Variants in ZNF445 observed in about 807,000 individuals in gnomAD.
ZNF445 encodes the protein zinc finger protein 445.
In ZNF445, 19 loss-of-function variants were observed where a neutral mutation model predicts 93.9. The observed-to-expected ratio is 0.20, with a 90% confidence interval of 0.14 to 0.30. ZNF445 has a LOEUF of 0.30. Ranked by LOEUF, ZNF445 falls within the 10% of genes least tolerant of loss-of-function variation. The pLI, the probability that ZNF445 is intolerant of heterozygous loss-of-function variation, is 1.00. For synonymous variants in ZNF445, 449 were observed against 446.3 expected (o/e 1.01, Z -0.08); for missense variants, 1,058 against 1,259.4 (o/e 0.84, Z 2.42).
At chr3:44,470,044 C>G (rs1698245241) in intron 1 of ZNF445, among the ~76,000 whole-genome samples, 2 of 152,110 alleles carry the variant, frequency 1.3e-5, no homozygotes, top group Admixed American at 1.3e-4. Flanking sequence ...CCTCCCACCT[C>G]AACCTCCTGA....
rs113816287 is a variant in ZNF445, at chr3:44,450,711, G to A, written c.694-138C>T. The A allele has an allele frequency of 3.6e-3, 4,830 of 1,335,292 alleles. 127 individuals are homozygous for A. The African/African-American group carries it at 0.055, about 15-fold the overall frequency. 82.7% of individuals were successfully genotyped at this position (1,335,292 alleles called of 1,614,324 possible). A position where few individuals can be genotyped will look rare whatever the true frequency, so the allele number is the denominator to read the frequency against. ...TGAAAGGGAAGACCATCACCCAGCA[G>A]AAGACCTCTGGGCTTGAGGGGGATA... On this transcript the variant is annotated intron_variant, in intron 5 of 7. Coordinates refer to ENST00000396077, the MANE Select transcript of ZNF445 (RefSeq NM_181489.6).
chr3:44,463,908 C>T (rs1332441782), intron 1 of ZNF445, among the ~76,000 whole-genome samples: 1 of 152,002 alleles, frequency 6.6e-6, no homozygotes, highest in African/African-American at 2.4e-5. Context: ...TGGGCGATCA[C>T]TTGAGGTCAG....
At chr3:44,470,330 C>T (rs987922540) in intron 1 of ZNF445, among the ~76,000 whole-genome samples, 13 of 152,092 alleles carry the variant, frequency 8.5e-5, no homozygotes, top group African/African-American at 2.4e-4. Context: ...ATCCTAAATA[C>T]GAATTGTGAA....
At chr3:44,464,144 C>A (rs575212957) in intron 1 of ZNF445, among the ~76,000 whole-genome samples, 33 of 151,802 alleles carry the variant, frequency 2.2e-4, no homozygotes, top group South Asian at 8.3e-4. Flanking sequence ...AACAAACAAA[C>A]AAAAAAAACA....
intron 1 of ZNF445, among the ~76,000 whole-genome samples, chr3:44,471,944 G>GAAGCAGTGA (rs1442046061): frequency 3.3e-5 from 5 of 152,146 alleles, no homozygotes; most frequent in African/African-American, 4.8e-5. Flanking sequence ...AGAAGCAGTG[G>GAAGCAGTGA]GAGCTTCAGG....
intron 3 of ZNF445, 132 bp from the exon 4 acceptor site, chr3:44,451,614 G>A: frequency 2.0e-6 from 2 of 1,012,210 alleles, no homozygotes; most frequent in Non-Finnish European, 2.9e-6. Context: ...ATTACTTCCA[G>A]GCAGGAGGAA....
rs761520957 is a variant in ZNF445, at chr3:44,448,114, C to T, written c.1557G>A (p.Gly519=). Residue 519 remains glycine (G), a synonymous_variant, in exon 8 of 8, where the codon GGG becomes GGA. Coordinates refer to ENST00000396077, the MANE Select transcript of ZNF445 (RefSeq NM_181489.6). The part of the protein sequence containing the change: ...QEKAFKCRVC[G]KAFRWSSNCA... ...AGTTGGAACTCCACCGGAAGGCTTT[C>T]CCACACACCCTACATTTAAATGCTT... The T allele has an allele frequency of 1.2e-6, 2 of 1,613,952 alleles. No individual in the cohort carries two copies.
Position 44,431,817 on chromosome 3 carries a change from G to A in ZNF445, c.*14758C>T, listed in dbSNP as rs1697555849. 6.6e-6 allele frequency: 1 copy of A among 152,176 alleles called. No individual in the cohort carries two copies. The highest frequency in any genetic ancestry group is 2.4e-5 in the African/African-American group (1 of 41,454). 9.4% of individuals were successfully genotyped at this position (152,176 alleles called of 1,614,324 possible). ...GATGTCTATAACAGTGGTAAATACTGTGTAAAGGTTGTCGGCTACTTCTGA... is the reference window on the plus strand; with the variant it reads ...GATGTCTATAACAGTGGTAAATACTATGTAAAGGTTGTCGGCTACTTCTGA... On this transcript the variant is annotated 3_prime_UTR_variant, in exon 8 of 8. Coordinates refer to ENST00000396077, the MANE Select transcript of ZNF445 (RefSeq NM_181489.6).
intron 1 of ZNF445, among the ~76,000 whole-genome samples, chr3:44,464,147 A>G (rs1465584557): frequency 1.3e-5 from 2 of 151,300 alleles, no homozygotes; most frequent in African/African-American, 4.9e-5. Context: ...AAACAAACAA[A>G]AAAAACAGCA....
intron 3 of ZNF445, among the ~76,000 whole-genome samples, chr3:44,452,049 T>C (rs141257478): frequency 7.2e-5 from 11 of 152,174 alleles, no homozygotes; most frequent in Admixed American, 1.3e-4. Context: ...CATGGAACCA[T>C]AGAAGAAAGT....
intron 1 of ZNF445, among the ~76,000 whole-genome samples, chr3:44,469,451 G>C (rs1012699004): frequency 3.9e-5 from 6 of 152,150 alleles, no homozygotes; most frequent in Non-Finnish European, 8.8e-5. Context: ...ATGCATGACG[G>C]CTGCTGATTC....
chr3:44,434,880 A>G lies in ZNF445; in HGVS notation c.*11695T>C, dbSNP rs1697644919. 1 of 152,190 alleles carries G rather than the reference A, an allele frequency of 6.6e-6. No homozygotes were observed. The highest frequency in any genetic ancestry group is 1.5e-5 in the Non-Finnish European group (1 of 68,048). The allele number at this position is 152,190 out of a possible 1,614,324, so 9.4% of individuals were successfully genotyped here. A position where few individuals can be genotyped will look rare whatever the true frequency, so the allele number is the denominator to read the frequency against. On this transcript the variant is annotated 3_prime_UTR_variant, in exon 8 of 8. Transcript: ENST00000396077. The stretch of plus-strand genomic sequence containing the variant: ...CTGAAGGCCACGATAGCTGAAGGCT[A>G]TGCTATTGAACACTGTAACTCAACT...
rs1333031702 is a variant in ZNF445 at position 44,442,116 on chromosome 3, C to T, written c.*4459G>A. 2.0e-5 allele frequency: 3 copies of T among 152,166 alleles called. No individual in the cohort carries two copies. Among genetic ancestry groups the T allele is most frequent in the Non-Finnish European group, 4.4e-5 (3 of 68,048 alleles). The allele number at this position is 152,166 out of a possible 1,614,324, so 9.4% of individuals were successfully genotyped here. A position where few individuals can be genotyped will look rare whatever the true frequency, so the allele number is the denominator to read the frequency against. On this transcript the variant is annotated 3_prime_UTR_variant, in exon 8 of 8. Transcript: ENST00000396077. ...GGTACACAGTATGCTTAACTTTACA[C>T]TAAGGGTACCTTGTATGTAGCTTCA...
chr3:44,434,827 G>C lies in ZNF445; in HGVS notation c.*11748C>G, dbSNP rs1697643360. The C allele has an allele frequency of 6.6e-6, 1 of 152,154 alleles. No homozygotes were observed. Among genetic ancestry groups the C allele is most frequent in the Non-Finnish European group, 1.5e-5 (1 of 68,064 alleles). The allele number at this position is 152,154 out of a possible 1,614,324, so 9.4% of individuals were successfully genotyped here. On this transcript the variant is annotated 3_prime_UTR_variant, in exon 8 of 8. Coordinates refer to ENST00000396077, the MANE Select transcript of ZNF445 (RefSeq NM_181489.6). ...CTGCCCCGCTTGCTTTTGGTTGCTT[G>C]CTCTTTGTTATTTTTTCCCCCATGA...
chr3:44,468,252 G>C (rs531317273), intron 1 of ZNF445, among the ~76,000 whole-genome samples: 1 of 152,126 alleles, frequency 6.6e-6, no homozygotes, highest in Non-Finnish European at 1.5e-5. Flanking sequence ...AATCCAAAGG[G>C]AGGGACTGAA....
Position 44,447,577 on chromosome 3 carries a change from G to A in ZNF445, c.2094C>T (p.Asp698=). 6.2e-7 allele frequency: 1 copy of A among 1,614,138 alleles called. No individual in the cohort carries two copies. The highest frequency in any genetic ancestry group is 8.5e-7 in the Non-Finnish European group (1 of 1,180,010). The stretch of plus-strand genomic sequence containing the variant: ...TCTCACCTGTGTGAATTCTCTGGTG[G>A]TCAACGAGAGTTTTCTTTCTAGTAA... ...KTFTRKKTLV[D]HQRIHTGEKP... is the part of the protein sequence containing the mutation. Residue 698 remains aspartate, a synonymous_variant, in exon 8 of 8, where the codon GAC becomes GAT. Transcript: ENST00000396077. The surrounding 1 kb of genome is among the most constrained non-coding windows in gnomAD (Gnocchi z 4.7).
In ZNF445 at chr3:44,436,854, G is replaced by C. The variant is rs913348788; in HGVS notation, c.*9721C>G. The C allele has an allele frequency of 1.3e-5, 2 of 152,098 alleles. No homozygotes were observed. Among genetic ancestry groups the C allele is most frequent in the African/African-American group, 4.8e-5 (2 of 41,396 alleles). The allele number at this position is 152,098 out of a possible 1,614,324, so 9.4% of individuals were successfully genotyped here. On this transcript the variant is annotated 3_prime_UTR_variant, in exon 8 of 8. Transcript: ENST00000396077. ...AATCTCTGCTTAATTATCCCATATCGAATAATTCAGCTTGATCTGACTTTA... is the reference window on the plus strand; with the variant it reads ...AATCTCTGCTTAATTATCCCATATCCAATAATTCAGCTTGATCTGACTTTA...
In ZNF445 at chr3:44,437,843, T is replaced by C. The variant is rs1697717530; in HGVS notation, c.*8732A>G. The C allele has an allele frequency of 6.6e-6, 1 of 152,012 alleles. No homozygotes were observed. Among genetic ancestry groups the C allele is most frequent in the Admixed American group, 6.6e-5 (1 of 15,258 alleles). The allele number at this position is 152,012 out of a possible 1,614,324, so 9.4% of individuals were successfully genotyped here. Reference sequence around the variant, plus strand: ...AGCCGTTGGGTCAACGTTTCTGCACTATAGTCCCTTCTGTGGTCACCAGAA... The same window carrying C: ...AGCCGTTGGGTCAACGTTTCTGCACCATAGTCCCTTCTGTGGTCACCAGAA... On this transcript the variant is annotated 3_prime_UTR_variant, in exon 8 of 8. Transcript: ENST00000396077.
At chr3:44,460,314 A>G (rs1205017946) in intron 1 of ZNF445, among the ~76,000 whole-genome samples, 1 of 152,220 alleles carries the variant, frequency 6.6e-6, no homozygotes, top group Non-Finnish European at 1.5e-5. Context: ...AGAAACTAAT[A>G]GTTTAAACAT....
Sources: gnomAD v4.1 joint callset for allele counts (sites outside exome capture counted in the v4.1 genomes callset) on GRCh38, gnomAD v4.1.1 for gene constraint, Gnocchi (gnomAD v3.1) non-coding constraint, MANE v1.5 for transcripts, NCBI Gene and HGNC (gene_info 2026-07-23, HGNC 2026-07-21) for gene names.